Variants in PACRG observed in about 807,000 individuals in gnomAD.
PACRG encodes the protein parkin coregulated gene protein.
A neutral mutation model predicts 29.7 loss-of-function variants in PACRG; 29 were observed. The ratio of observed to expected loss-of-function variants is 0.98; its 90% confidence interval spans 0.73 to 1.33. The LOEUF (loss-of-function observed/expected upper bound fraction) is 1.33, where lower values mean the gene tolerates loss of function less well. PACRG is among the 40% of genes most tolerant of loss of function. The probability of loss-of-function intolerance (pLI) is 0.00; values close to 1 mark genes in which losing one functional copy is unlikely to be tolerated. For synonymous variants in PACRG, 116 were observed against 118.7 expected (o/e 0.98, Z 0.15); for missense variants, 279 against 316.2 (o/e 0.88, Z 0.89).
At chr6:163,171,851 C>A (rs1470835855) in intron 4 of PACRG, among the ~76,000 whole-genome samples, 2 of 152,150 alleles carry the variant, frequency 1.3e-5, no homozygotes, top group African/African-American at 4.8e-5. Flanking sequence ...CTGTGGGGAC[C>A]CCTTCTGAGA....
intron 2 of PACRG, among the ~76,000 whole-genome samples, chr6:162,851,277 C>A (rs1336907523): frequency 2.0e-5 from 3 of 152,164 alleles, no homozygotes; most frequent in Admixed American, 6.5e-5. Context: ...CCTTCTGCAC[C>A]CTGGCCACAG....
At chr6:162,913,673 C>T (rs902385516) in intron 2 of PACRG, among the ~76,000 whole-genome samples, 21 of 152,084 alleles carry the variant, frequency 1.4e-4, no homozygotes, top group Non-Finnish European at 4.4e-5. Context: ...TTTATATTTC[C>T]ACTAGCAGCG....
intron 2 of PACRG, among the ~76,000 whole-genome samples, chr6:162,831,065 G>C (rs1788730155): frequency 6.6e-6 from 1 of 152,074 alleles, no homozygotes. Flanking sequence ...ATAGATTATT[G>C]TTATTCTTCT....
At chr6:163,023,520 G>C (rs57620431) in intron 2 of PACRG, among the ~76,000 whole-genome samples, 3,324 of 152,296 alleles carry the variant, frequency 0.022, 123 homozygotes, top group African/African-American at 0.075. Flanking sequence ...ATTGTGAATA[G>C]TGCAGTGATG....
rs1783616505 is a variant in PACRG at position 163,268,405 on chromosome 6, A to AAAAAAAGAAAAAAAAG, written c.614-46416_614-46415insGAAAAAAAAGAAAAAA. Among the ~76,000 whole-genome samples, 5 of 143,788 alleles carry AAAAAAAGAAAAAAAAG rather than the reference A, an allele frequency of 3.5e-5. No individual in the cohort carries two copies. The South Asian group carries it at 8.9e-4, about 26-fold the overall frequency. 94.3% of individuals were successfully genotyped at this position (143,788 alleles called of 152,430 possible). A position where few individuals can be genotyped will look rare whatever the true frequency, so the allele number is the denominator to read the frequency against. On this transcript the variant is annotated intron_variant, in intron 4 of 4. Transcript: ENST00000366888. ...TGACTAAGTGAGACTGTCTCAAAGA[A>AAAAAAAGAAAAAAAAG]AAAAAAAAAGAAAGTATTGAAATAT...
intron 2 of PACRG, among the ~76,000 whole-genome samples, chr6:163,058,883 G>C (rs970276226): frequency 6.8e-6 from 1 of 147,990 alleles, no homozygotes; most frequent in African/African-American, 2.5e-5. Flanking sequence ...CTGGGCGACA[G>C]AGCGAGACTC....
rs117618497 is a variant in PACRG, at chr6:162,853,982, T to C, written c.291+39701T>C. Among the ~76,000 whole-genome samples the C allele has an allele frequency of 4.8e-3, 724 of 152,194 alleles. 2 individuals are homozygous for C. The highest frequency in any genetic ancestry group is 6.6e-3 in the Non-Finnish European group (447 of 68,002). On this transcript the variant is annotated intron_variant, in intron 2 of 4. Transcript: ENST00000366888. The surrounding 1 kb of genome is among the most constrained non-coding windows in gnomAD (Gnocchi z 4.7). ...ATTATTAATATCATTAGTATCATTA[T>C]ACATTTAAAATCTCTAACATATTCT...
At chr6:162,949,813 G>C (rs906297261) in intron 2 of PACRG, among the ~76,000 whole-genome samples, 1 of 152,110 alleles carries the variant, frequency 6.6e-6, no homozygotes, top group Non-Finnish European at 1.5e-5. Flanking sequence ...TCTGAAGAGG[G>C]CTGAACTGGC....
chr6:163,243,727 C>T (rs895743180), intron 4 of PACRG, among the ~76,000 whole-genome samples: 4 of 152,122 alleles, frequency 2.6e-5, no homozygotes, highest in Non-Finnish European at 2.9e-5. Flanking sequence ...TGAGTGAAAC[C>T]CTGAAACACT....
chr6:163,041,121 A>C (rs1405100505), intron 2 of PACRG, among the ~76,000 whole-genome samples: 2 of 152,084 alleles, frequency 1.3e-5, no homozygotes, highest in African/African-American at 4.8e-5. Context: ...GCGGATCACG[A>C]GGTCAGGAGA....
intron 2 of PACRG, among the ~76,000 whole-genome samples, chr6:163,000,022 T>C (rs1804438164): frequency 6.6e-6 from 1 of 152,198 alleles, no homozygotes; most frequent in African/African-American, 2.4e-5. Flanking sequence ...ATCCTATGGT[T>C]GGATTCGTTT....
intron 2 of PACRG, among the ~76,000 whole-genome samples, chr6:162,877,699 A>G (rs1793489107): frequency 6.6e-6 from 1 of 152,190 alleles, no homozygotes; most frequent in Non-Finnish European, 1.5e-5. Context: ...GACCAAATAT[A>G]TAAGACATGT....
At chr6:163,143,721 C>T (rs189612670) in intron 4 of PACRG, among the ~76,000 whole-genome samples, 6 of 151,630 alleles carry the variant, frequency 4.0e-5, no homozygotes, top group Admixed American at 3.3e-4. Flanking sequence ...GCTGAGAAAT[C>T]AACAGGCCTG....
rs1005965821 is a variant in PACRG, at chr6:162,892,866, G to C, written c.291+78585G>C. Among the ~76,000 whole-genome samples the C allele has an allele frequency of 4.7e-5, 7 of 149,342 alleles. No individual in the cohort carries two copies. In the East Asian group the frequency reaches 1.4e-3, roughly 31 times the overall value. ...TAATTTTATTCCAGTGGAGGGAGAAGAACCACCTCAGCCTCAGGAGCCTCG... is the reference window on the plus strand; with the variant it reads ...TAATTTTATTCCAGTGGAGGGAGAACAACCACCTCAGCCTCAGGAGCCTCG... On this transcript the variant is annotated intron_variant, in intron 2 of 4. Transcript: ENST00000366888.
intron 1 of PACRG, among the ~76,000 whole-genome samples, chr6:162,767,378 A>C (rs561077314): frequency 6.6e-6 from 1 of 152,014 alleles, no homozygotes; most frequent in African/African-American, 2.4e-5. Context: ...TATAATTTTT[A>C]TCATTATGCA....
intron 2 of PACRG, among the ~76,000 whole-genome samples, chr6:162,879,334 C>G (rs1793636350): frequency 6.6e-6 from 1 of 152,148 alleles, no homozygotes; most frequent in African/African-American, 2.4e-5. Context: ...CATGTAACTC[C>G]CCTTCTTGCT....
At chr6:162,961,747 C>A (rs910322602) in intron 2 of PACRG, among the ~76,000 whole-genome samples, 1 of 152,154 alleles carries the variant, frequency 6.6e-6, no homozygotes, top group Non-Finnish European at 1.5e-5. Flanking sequence ...TCCCTAGAGT[C>A]CTGCCTTTAG....
At position 163,072,130 on chromosome 6, in the gene PACRG, T is replaced by TA. The variant is rs1234197008; in HGVS notation, c.463+9813dup. Among the ~76,000 whole-genome samples, 74 of 149,412 alleles carry TA rather than the reference T, an allele frequency of 5.0e-4. No individual in the cohort carries two copies. The East Asian group carries it at 0.012, about 24-fold the overall frequency. ...ATACCAAAACCAGACAAAGACACAT[T>TA]AAAACAAAAAGAAAGAAAGAAAACC... On this transcript the variant is annotated intron_variant, in intron 3 of 4. Coordinates refer to ENST00000366888, the MANE Select transcript of PACRG (RefSeq NM_001080379.2).
intron 4 of PACRG, among the ~76,000 whole-genome samples, chr6:163,177,710 A>ATTTTGTTTTTTT (rs1779441780): frequency 1.9e-5 from 1 of 53,744 alleles, no homozygotes; most frequent in Admixed American, 3.8e-4. Context: ...TAGAAAAGGG[A>ATTTTGTTTTTTT]TTTTTTTTTT....
Sources: gnomAD v4.1 joint callset for allele counts (sites outside exome capture counted in the v4.1 genomes callset) on GRCh38, gnomAD v4.1.1 for gene constraint, Gnocchi (gnomAD v3.1) non-coding constraint, MANE v1.5 for transcripts, NCBI Gene and HGNC (gene_info 2026-07-23, HGNC 2026-07-21) for gene names.